The following NBAS variants were observed in gnomAD, a reference collection of about 807,000 sequenced individuals.
NBAS encodes NAG/BC035112 fusion.
NBAS carries 219 observed loss-of-function variants against 302.5 expected under a neutral mutation model. The observed-to-expected ratio is 0.72, with a 90% CI of 0.65 to 0.81. The LOEUF is 0.81. Ranked by LOEUF, NBAS falls within the 30% of genes least tolerant of loss-of-function variation. The probability of loss-of-function intolerance (pLI) is 0.00; values close to 1 mark genes in which losing one functional copy is unlikely to be tolerated. For synonymous variants in NBAS, 1,118 were observed against 1,021.6 expected (o/e 1.09, Z -1.80); for missense variants, 2,932 against 2,841.6 (o/e 1.03, Z -0.72).
At chr2:14,880,073 TAAAG>T in the NBAS span, among the ~76,000 whole-genome samples, 1 of 152,044 alleles carries the variant, frequency 6.6e-6, no homozygotes, top group Non-Finnish European at 1.5e-5. Context: ...GCAGTGAGGA[TAAAG>T]AAAGAAGTAT....
At chr2:15,497,939 C>T (rs1003524288) in intron 11 of NBAS, among the ~76,000 whole-genome samples, 2 of 152,160 alleles carry the variant, frequency 1.3e-5, no homozygotes, top group Admixed American at 1.3e-4. Flanking sequence ...AACTGAGAAC[C>T]ATCTCTATCA....
downstream of NBAS, among the ~76,000 whole-genome samples, chr2:15,164,575 C>T (rs992479935): frequency 1.3e-5 from 2 of 151,814 alleles, no homozygotes; most frequent in Non-Finnish European, 2.9e-5. Context: ...TCCCAGGAAG[C>T]AAAGCTATAG....
the NBAS span, among the ~76,000 whole-genome samples, chr2:15,020,457 G>A: frequency 6.6e-6 from 1 of 152,236 alleles, no homozygotes; most frequent in African/African-American, 2.4e-5. Context: ...CAGGATGGAT[G>A]TGTGAAGGCT....
At chr2:15,184,201 T>C (rs1295815766) in intron 50 of NBAS, among the ~76,000 whole-genome samples, 1 of 152,106 alleles carries the variant, frequency 6.6e-6, no homozygotes, top group Non-Finnish European at 1.5e-5. Context: ...TAAAAGATAG[T>C]ACATATCAAG....
intron 44 of NBAS, among the ~76,000 whole-genome samples, chr2:15,270,635 AT>A (rs1439737921): frequency 6.6e-6 from 1 of 152,232 alleles, no homozygotes; most frequent in Non-Finnish European, 1.5e-5. Context: ...TACCTACTTT[AT>A]ACTGTGCTAG....
At chr2:15,308,539 G>T (rs933272651) in intron 39 of NBAS, among the ~76,000 whole-genome samples, 186 bp from the exon 40 acceptor site, 2 of 152,244 alleles carry the variant, frequency 1.3e-5, no homozygotes, top group South Asian at 4.2e-4. Flanking sequence ...CAAATCCTAT[G>T]CAGTAAAAGT....
chr2:15,436,440 A>G (rs1234678974), intron 21 of NBAS, among the ~76,000 whole-genome samples: 4 of 152,202 alleles, frequency 2.6e-5, no homozygotes, highest in Non-Finnish European at 5.9e-5. Context: ...GTGCTTCTCA[A>G]GCTTGTGAAA....
intron 35 of NBAS, among the ~76,000 whole-genome samples, chr2:15,332,392 ATATAT>A (rs769737444): frequency 2.4e-4 from 37 of 152,326 alleles, no homozygotes; most frequent in Non-Finnish European, 3.8e-4. Flanking sequence ...CAGAAAACAA[ATATAT>A]TATGTTAGGA....
At chr2:15,047,626 G>A in the NBAS span, among the ~76,000 whole-genome samples, 1 of 143,690 alleles carries the variant, frequency 7.0e-6, no homozygotes, top group African/African-American at 2.6e-5. Context: ...TGAAGGCTGG[G>A]CCCATGCAGG....
chr2:15,417,887 T>C (rs544259080), intron 23 of NBAS, among the ~76,000 whole-genome samples, 175 bp from the exon 24 acceptor site: 52 of 152,310 alleles, frequency 3.4e-4, no homozygotes, highest in African/African-American at 1.2e-3. Flanking sequence ...ATCAAATACA[T>C]CAGCATCAAA....
the NBAS span, among the ~76,000 whole-genome samples, chr2:14,955,784 C>A: frequency 6.6e-6 from 1 of 152,154 alleles, no homozygotes; most frequent in East Asian, 1.9e-4. Context: ...CTGCATAGAG[C>A]AAGGGTCCCC....
At chr2:15,029,653 G>A in the NBAS span, among the ~76,000 whole-genome samples, 2 of 152,188 alleles carry the variant, frequency 1.3e-5, no homozygotes, top group Non-Finnish European at 2.9e-5. Context: ...ATAGGTTTTC[G>A]TGTTCTTGTG....
the NBAS span, among the ~76,000 whole-genome samples, chr2:15,047,714 G>A: frequency 1.5e-5 from 2 of 135,364 alleles, no homozygotes; most frequent in African/African-American, 5.5e-5. Flanking sequence ...GGCTGGGCCC[G>A]TGCAAGTGCA....
intron 7 of NBAS, among the ~76,000 whole-genome samples, chr2:15,538,927 T>G (rs2148688662): frequency 6.6e-6 from 1 of 152,354 alleles, no homozygotes; most frequent in South Asian, 2.1e-4. Flanking sequence ...AAGTTGTTCC[T>G]GTTGTGACAG....
intron 21 of NBAS, among the ~76,000 whole-genome samples, chr2:15,448,189 G>C (rs1678841149): frequency 6.6e-6 from 1 of 152,078 alleles, no homozygotes. Context: ...TTTCTATTTT[G>C]TTAATTCATC....
the NBAS span, among the ~76,000 whole-genome samples, chr2:14,849,253 C>T: frequency 6.6e-6 from 1 of 151,672 alleles, no homozygotes; most frequent in African/African-American, 2.4e-5. Flanking sequence ...AGCTGAAAAC[C>T]AAGGCTCGAG....
At chr2:15,382,720 T>A (rs941940484) in intron 29 of NBAS, among the ~76,000 whole-genome samples, 1 of 152,216 alleles carries the variant, frequency 6.6e-6, no homozygotes, top group Non-Finnish European at 1.5e-5. Context: ...TATGTCATGC[T>A]AAGGAGTAGA....
chr2:14,926,345 A>G, the NBAS span, among the ~76,000 whole-genome samples: 1 of 152,136 alleles, frequency 6.6e-6, no homozygotes, highest in Non-Finnish European at 1.5e-5. Flanking sequence ...AAGAGTTTTC[A>G]AAGAGCAACA....
chr2:14,861,392 C>T, the NBAS span, among the ~76,000 whole-genome samples: 1 of 152,146 alleles, frequency 6.6e-6, no homozygotes, highest in Non-Finnish European at 1.5e-5. Context: ...GCATGTGCAC[C>T]AGCAGTCTGC....
Sources: allele counts gnomAD v4.1 joint callset (sites outside exome capture counted in the v4.1 genomes callset), GRCh38; gene constraint gnomAD v4.1.1; transcripts MANE v1.5; gene names NCBI Gene and HGNC (gene_info 2026-07-23, HGNC 2026-07-21).